Variants in NXN observed in about 807,000 individuals in gnomAD.
The protein encoded by NXN is nucleoredoxin.
In NXN, 16 loss-of-function variants were observed where a neutral mutation model predicts 48.6. The observed-to-expected ratio is 0.33, with a 90% confidence interval of 0.22 to 0.50. NXN has a LOEUF of 0.50. Ranked by LOEUF, NXN falls within the 20% of genes least tolerant of loss-of-function variation. NXN has a pLI of 0.98. For missense variants in NXN, 492 were observed against 605.5 expected (o/e 0.81, Z 1.97); for synonymous variants, 281 against 269.6 (o/e 1.04, Z -0.41).
chr17:851,389 G>C (rs532044588), intron 1 of NXN, among the ~76,000 whole-genome samples: 3 of 152,364 alleles, frequency 2.0e-5, no homozygotes, highest in East Asian at 1.9e-4. Flanking sequence ...AGGCATGAGC[G>C]GGGGACGGGA....
At chr17:924,684 AAACTGAAATTCCGTCCTCAGT>A (rs1257451823) in intron 1 of NXN, among the ~76,000 whole-genome samples, 1 of 151,472 alleles carries the variant, frequency 6.6e-6, no homozygotes, top group Non-Finnish European at 1.5e-5. Context: ...CCATCTTCCC[AAACTGAAATTCCGTCCTCAGT>A]AAAGACTAAC....
chr17:863,557 C>G (rs999192230), intron 1 of NXN, among the ~76,000 whole-genome samples: 4 of 151,698 alleles, frequency 2.6e-5, no homozygotes, highest in African/African-American at 9.7e-5. Flanking sequence ...ACCTCCCTGG[C>G]TCAAGCGATC....
Position 810,524 on chromosome 17 carries a change from C to T in NXN, c.821-5277G>A, listed in dbSNP as rs573949222. ...GGGATGACAAACACCAACCAATGCC[C>T]AGAATCTGTTCCTCGGATCCTTCCG... On this transcript the variant is annotated intron_variant, in intron 5 of 7. Coordinates refer to ENST00000336868, the MANE Select transcript of NXN (RefSeq NM_022463.5). Among the ~76,000 whole-genome samples, 7 of 152,274 alleles carry T rather than the reference C, an allele frequency of 4.6e-5. No individual in the cohort carries two copies. In the South Asian group the frequency reaches 1.0e-3, roughly 23 times the overall value.
chr17:823,834 C>T, intron 2 of NXN, 69 bp from the exon 3 acceptor site: 1 of 1,570,490 alleles, frequency 6.4e-7, no homozygotes, highest in Non-Finnish European at 8.7e-7. Flanking sequence ...CAGGAGACTT[C>T]AGAGCGGTTA....
At chr17:842,125 G>GAC (rs1358100597) in intron 1 of NXN, among the ~76,000 whole-genome samples, 1 of 151,934 alleles carries the variant, frequency 6.6e-6, no homozygotes, top group Non-Finnish European at 1.5e-5. Flanking sequence ...GACAGAGAGA[G>GAC]ACTCCCTCTC....
At chr17:854,208 C>T (rs923581637) in intron 1 of NXN, among the ~76,000 whole-genome samples, 5 of 152,132 alleles carry the variant, frequency 3.3e-5, no homozygotes, top group African/African-American at 9.7e-5. Context: ...TTCTAATTCC[C>T]GCTTCCCACC....
intron 1 of NXN, among the ~76,000 whole-genome samples, chr17:965,163 A>G (rs1221492171): frequency 2.0e-5 from 3 of 152,240 alleles, no homozygotes; most frequent in African/African-American, 7.2e-5. Context: ...TGCCCAGCAG[A>G]TAAAGCAGTT....
intron 5 of NXN, among the ~76,000 whole-genome samples, chr17:808,850 A>AT (rs200531950): frequency 0.036 from 5,433 of 149,722 alleles, 347 homozygotes; most frequent in African/African-American, 0.13. Context: ...CATTTTTTTA[A>AT]TTTTTTAGTA....
intron 2 of NXN, among the ~76,000 whole-genome samples, chr17:824,420 A>C (rs1020260351): frequency 6.6e-6 from 1 of 152,124 alleles, no homozygotes; most frequent in Non-Finnish European, 1.5e-5. Context: ...CAACGCAAAG[A>C]TGTACGTGCA....
chr17:943,524 C>G (rs2069004888), intron 1 of NXN, among the ~76,000 whole-genome samples: 1 of 152,180 alleles, frequency 6.6e-6, no homozygotes, highest in Non-Finnish European at 1.5e-5. Flanking sequence ...TATCTTTCTT[C>G]AAAAGAATAT....
chr17:800,872 A>G lies in NXN; in HGVS notation c.*77T>C, dbSNP rs554846901. On this transcript the variant is annotated 3_prime_UTR_variant, in exon 8 of 8. Transcript: ENST00000336868. ...GGTGGGATTCGGGGCACGCTGGGTA[A>G]GTCCAAGGGCGGAAGGAAGGAGGGG... 1.1e-5 allele frequency: 12 copies of G among 1,069,694 alleles called. No homozygotes were observed. The East Asian group carries it at 3.3e-4, about 29-fold the overall frequency. 66.3% of individuals were successfully genotyped at this position (1,069,694 alleles called of 1,614,324 possible).
intron 1 of NXN, among the ~76,000 whole-genome samples, chr17:854,332 C>T (rs1450296420): frequency 3.9e-5 from 6 of 152,156 alleles, no homozygotes; most frequent in Non-Finnish European, 8.8e-5. Context: ...ATCCCACCTG[C>T]TCACCTGAGT....
At chr17:879,476 G>A (rs1046780950) in intron 1 of NXN, among the ~76,000 whole-genome samples, 3 of 151,634 alleles carry the variant, frequency 2.0e-5, no homozygotes, top group South Asian at 2.1e-4. Flanking sequence ...TAGTAGAGAC[G>A]GGGTCTCACC....
At chr17:831,326 A>G (rs1253880648) in intron 1 of NXN, among the ~76,000 whole-genome samples, 51 of 152,116 alleles carry the variant, frequency 3.4e-4, no homozygotes, top group Admixed American at 3.3e-3. Context: ...AGTCTGAAGT[A>G]TACAAGAGGA....
intron 1 of NXN, among the ~76,000 whole-genome samples, chr17:858,887 G>C (rs562992143): frequency 6.6e-6 from 1 of 152,242 alleles, no homozygotes; most frequent in East Asian, 1.9e-4. Flanking sequence ...TAATTTGCTC[G>C]ATTGCCCTCA....
intron 1 of NXN, among the ~76,000 whole-genome samples, chr17:966,109 T>C (rs538322861): frequency 6.4e-4 from 96 of 149,416 alleles, no homozygotes; most frequent in African/African-American, 2.2e-3. Context: ...GGAGCAAAAT[T>C]CTGTCTCAAA....
chr17:840,271 C>T (rs1425536003), intron 1 of NXN, among the ~76,000 whole-genome samples: 1 of 152,132 alleles, frequency 6.6e-6, no homozygotes, highest in African/African-American at 2.4e-5. Flanking sequence ...TGGGATACCT[C>T]CAGATAGAAG....
At chr17:819,243 G>A in intron 5 of NXN, 196 bp downstream of exon 5, 1 of 604,520 alleles carries the variant, frequency 1.7e-6, no homozygotes, top group Non-Finnish European at 3.0e-6. Flanking sequence ...GCCATGCCCG[G>A]CCTGACAATA....
chr17:881,324 C>T (rs1406490682), intron 1 of NXN, among the ~76,000 whole-genome samples: 3 of 152,078 alleles, frequency 2.0e-5, no homozygotes, highest in African/African-American at 7.2e-5. Flanking sequence ...CTCAGCTCGC[C>T]GCAGCACCCC....
Sources: gnomAD v4.1 joint callset for allele counts (sites outside exome capture counted in the v4.1 genomes callset) on GRCh38, gnomAD v4.1.1 for gene constraint, MANE v1.5 for transcripts, NCBI Gene and HGNC (gene_info 2026-07-23, HGNC 2026-07-21) for gene names.